Variants in CCDC180 observed in about 807,000 individuals in gnomAD.
CCDC180 encodes coiled-coil domain-containing protein 180.
Under a neutral mutation model 209.2 loss-of-function variants are expected in CCDC180, and 154 were observed. That is an observed-to-expected ratio of 0.74 (90% CI 0.65 to 0.84). The LOEUF is 0.84. Among genes scored for constraint, CCDC180 ranks in the 40% least tolerant of loss-of-function variants. The pLI is 0.00. For missense variants in CCDC180, 1,874 were observed against 1,997.3 expected (o/e 0.94, Z 1.18); for synonymous variants, 778 against 749.1 (o/e 1.04, Z -0.63).
chr9:97,352,081 C>G (rs187598999), intron 22 of CCDC180, among the ~76,000 whole-genome samples: 26 of 152,142 alleles, frequency 1.7e-4, no homozygotes, highest in African/African-American at 6.0e-4. Flanking sequence ...CCACTGCACT[C>G]CAGCCTGGGA....
At chr9:97,321,672 G>A (rs180754711) in intron 11 of CCDC180, among the ~76,000 whole-genome samples, 7 of 152,270 alleles carry the variant, frequency 4.6e-5, no homozygotes, top group Admixed American at 3.3e-4. Flanking sequence ...TCTGCCCTCC[G>A]GCACTTCCAG....
In CCDC180 at chr9:97,343,280, T is replaced by C. The variant is rs1006005581; in HGVS notation, c.2275-60T>C. 2.6e-6 allele frequency: 3 copies of C among 1,142,020 alleles called. No individual in the cohort carries two copies. In the African/African-American group the frequency reaches 4.6e-5, roughly 18 times the overall value. 70.7% of individuals were successfully genotyped at this position (1,142,020 alleles called of 1,614,324 possible). A position where few individuals can be genotyped will look rare whatever the true frequency, so the allele number is the denominator to read the frequency against. ...ACCTCTGATATCAAGGAACCTGTGGTTGGCATTCCCAAGTCCATTTGATGA... is the reference window on the plus strand; with the variant it reads ...ACCTCTGATATCAAGGAACCTGTGGCTGGCATTCCCAAGTCCATTTGATGA... On this transcript the variant is annotated intron_variant, in intron 18 of 36. Transcript: ENST00000529487.
Position 97,343,557 on chromosome 9 carries a change from A to G in CCDC180, c.2492A>G (p.Lys831Arg). 6.2e-7 allele frequency: 1 copy of G among 1,605,730 alleles called. No homozygotes were observed. Among genetic ancestry groups the G allele is most frequent in the Non-Finnish European group, 8.5e-7 (1 of 1,172,558 alleles). ...CCATCGAGACTAATTTTAGAAATTA[A>G]GAAACAGTGAGTAAAAAACTATTTT... ...TIPSRLILEI[K>R]KQLRAGFFEH... is the part of the protein sequence containing the mutation. The change falls in exon 19 of 37, where the codon AAG becomes AGG. Residue 831 changes from lysine to arginine, a missense_variant. Lys to Arg is a conservative substitution (Grantham distance 26, BLOSUM62 2). Transcript: ENST00000529487.
chr9:97,360,591 G>A (rs144844838), intron 26 of CCDC180, among the ~76,000 whole-genome samples: 1 of 152,212 alleles, frequency 6.6e-6, no homozygotes, highest in African/African-American at 2.4e-5. Context: ...CTACCCTCGG[G>A]GCAAAGTCCA....
intron 31 of CCDC180, 24 bp from the exon 32 acceptor site, chr9:97,369,898 G>T (rs1464596943): frequency 6.2e-7 from 1 of 1,613,586 alleles, no homozygotes; most frequent in South Asian, 1.1e-5. Context: ...CCCTCCCTTG[G>T]CCTCTTACCC....
chr9:97,330,807 T>A lies in CCDC180; in HGVS notation c.2274+40T>A, dbSNP rs1417666501. 1.9e-6 allele frequency: 3 copies of A among 1,555,444 alleles called. No individual in the cohort carries two copies. The South Asian group carries it at 3.6e-5, about 19-fold the overall frequency. On this transcript the variant is annotated intron_variant, in intron 18 of 36. Transcript: ENST00000529487. Reference sequence around the variant, plus strand: ...GATTCATTCTTGGGCATAGAGAAAGTTTGCTATGCTCATTTTGTGTTTATC... The same window carrying A: ...GATTCATTCTTGGGCATAGAGAAAGATTGCTATGCTCATTTTGTGTTTATC...
In CCDC180 at chr9:97,323,907, C is replaced by A. The variant is rs960477632; in HGVS notation, c.1371+4C>A. Reference sequence around the variant, plus strand: ...GGAGGACCTGGAGCTCTTGGACGTGCGTGCTGGGGACTGTTCCACTGGGGA... The same window carrying A: ...GGAGGACCTGGAGCTCTTGGACGTGAGTGCTGGGGACTGTTCCACTGGGGA... On this transcript the variant is annotated splice_donor_region_variant and intron_variant, in intron 13 of 36. Transcript: ENST00000529487. The A allele has an allele frequency of 6.4e-7, 1 of 1,552,752 alleles. No homozygotes were observed. The highest frequency in any genetic ancestry group is 1.4e-5 in the African/African-American group (1 of 73,234).
chr9:97,308,224 T>C (rs1049953173), intron 2 of CCDC180, 92 bp downstream of exon 2: 20 of 1,214,354 alleles, frequency 1.6e-5, no homozygotes, highest in African/African-American at 4.6e-5. Context: ...CTACTGGAAA[T>C]TGAATAAAAC....
rs570481640 is a variant in CCDC180, at chr9:97,353,169, G to A, written c.3003-1400G>A. ...GTGCCACGATGCCCAGCTAATTTTT[G>A]TATTTTTAGTAGAGACACGGTTTCA... is the stretch of plus-strand genomic sequence containing the variant. On this transcript the variant is annotated intron_variant, in intron 22 of 36. Transcript: ENST00000529487. 3.3e-5 allele frequency among the ~76,000 whole-genome samples: 5 copies of A among 152,146 alleles called. No individual in the cohort carries two copies. In the East Asian group the frequency reaches 9.7e-4, roughly 29 times the overall value.
intron 18 of CCDC180, 135 bp downstream of exon 18, chr9:97,330,902 T>G (rs965949584): frequency 6.9e-6 from 6 of 875,798 alleles, no homozygotes; most frequent in Non-Finnish European, 8.7e-6. Flanking sequence ...ACAAAAATAT[T>G]CATACTATTC....
At chr9:97,349,040 T>G (rs1338263336) in intron 20 of CCDC180, 71 bp from the exon 21 acceptor site, 1 of 1,416,092 alleles carries the variant, frequency 7.1e-7, no homozygotes, top group Non-Finnish European at 9.4e-7. Flanking sequence ...CAGGCGGGCC[T>G]TGTTCCAGGA....
chr9:97,307,704 A>C lies in CCDC180; in HGVS notation c.-184A>C. 6.2e-7 allele frequency: 1 copy of C among 1,604,150 alleles called. No individual in the cohort carries two copies. The highest frequency in any genetic ancestry group is 8.5e-7 in the Non-Finnish European group (1 of 1,171,632). Reference sequence around the variant, plus strand: ...CGAAGAGCATGGCAGAGTGAAGCACAAGCAATAATCCTGTATTATTCGCGT... The same window carrying C: ...CGAAGAGCATGGCAGAGTGAAGCACCAGCAATAATCCTGTATTATTCGCGT... On this transcript the variant is annotated 5_prime_UTR_variant, in exon 1 of 37. Coordinates refer to ENST00000529487, the MANE Select transcript of CCDC180 (RefSeq NM_020893.6).
chr9:97,335,747 C>T lies in CCDC180; in HGVS notation c.2274+4980C>T, dbSNP rs535783646. On this transcript the variant is annotated intron_variant, in intron 18 of 36. Coordinates refer to ENST00000529487, the MANE Select transcript of CCDC180 (RefSeq NM_020893.6). The stretch of plus-strand genomic sequence containing the variant: ...TTCTAGTTCTAGATCCTTGAGGAAT[C>T]GCCACACTGTCTTCCACAACGGTTG... 1.5e-4 allele frequency among the ~76,000 whole-genome samples: 23 copies of T among 152,312 alleles called. 2 individuals carry two copies. Among genetic ancestry groups the T allele is most frequent in the South Asian group, 8.3e-4 (4 of 4,822 alleles).
At chr9:97,321,197 A>G (rs966877239) in intron 11 of CCDC180, among the ~76,000 whole-genome samples, 3 of 152,240 alleles carry the variant, frequency 2.0e-5, no homozygotes, top group African/African-American at 7.2e-5. Context: ...GGTTAGGTAT[A>G]TTAAATGCAT....
rs769861146 is a variant in CCDC180, at chr9:97,307,953, A to G, written c.-81-30A>G. On this transcript the variant is annotated intron_variant, in intron 1 of 36. Coordinates refer to ENST00000529487, the MANE Select transcript of CCDC180 (RefSeq NM_020893.6). Reference sequence around the variant, plus strand: ...GTCGTCCCGCCTGGACCTGAACCTGAGTTTGGGACGGGCGATTTCCCAACC... The same window carrying G: ...GTCGTCCCGCCTGGACCTGAACCTGGGTTTGGGACGGGCGATTTCCCAACC... The G allele has an allele frequency of 4.4e-6, 7 of 1,580,922 alleles. No homozygotes were observed. In the Admixed American group the frequency reaches 5.3e-5, roughly 12 times the overall value.
rs151170814 is a variant in CCDC180 at position 97,339,561 on chromosome 9, C to T, written c.2275-3779C>T. ...CTGATGGGCTTCCCTTTGTGGGTAA[C>T]CCGACCTTTCTCTCTGGCTGCTCTT... On this transcript the variant is annotated intron_variant, in intron 18 of 36. Coordinates refer to ENST00000529487, the MANE Select transcript of CCDC180 (RefSeq NM_020893.6). Among the ~76,000 whole-genome samples the T allele has an allele frequency of 4.8e-3, 737 of 152,278 alleles. 7 individuals are homozygous for T. The highest frequency in any genetic ancestry group is 0.017 in the African/African-American group (713 of 41,552).
intron 19 of CCDC180, among the ~76,000 whole-genome samples, chr9:97,346,423 T>C (rs1826263130): frequency 6.6e-6 from 1 of 152,198 alleles, no homozygotes; most frequent in Admixed American, 6.5e-5. Context: ...GCCAAAAAAG[T>C]ACCATACATT....
At chr9:97,362,547 A>C in intron 28 of CCDC180, 106 bp downstream of exon 28, 1 of 1,485,302 alleles carries the variant, frequency 6.7e-7, no homozygotes, top group Non-Finnish European at 9.0e-7. Flanking sequence ...AGGCACCACA[A>C]TGCTCATGGC....
chr9:97,338,608 C>T lies in CCDC180; in HGVS notation c.2275-4732C>T, dbSNP rs571749148. 2.6e-3 allele frequency among the ~76,000 whole-genome samples: 392 copies of T among 152,160 alleles called. 1 individual carries two copies. Among genetic ancestry groups the T allele is most frequent in the African/African-American group, 8.7e-3 (363 of 41,508 alleles). ...TATGTGGTCAATTTTGGAATAAGTG[C>T]GATGTGGTGCTGAGAAGAATGTATA... On this transcript the variant is annotated intron_variant, in intron 18 of 36. Transcript: ENST00000529487.
Sources: allele counts gnomAD v4.1 joint callset (sites outside exome capture counted in the v4.1 genomes callset), GRCh38; gene constraint gnomAD v4.1.1; transcripts MANE v1.5; gene names NCBI Gene and HGNC (gene_info 2026-07-23, HGNC 2026-07-21).